EIF4E: variants seen among roughly 807,000 people sequenced by gnomAD.
The protein encoded by EIF4E is eIF-4F 25 kDa subunit.
For missense variants in EIF4E, 113 were observed against 265.6 expected, an observed-to-expected ratio of 0.43 and a Z score of 3.99; for synonymous variants, 71 against 88.5, an observed-to-expected ratio of 0.80 and a Z score of 1.11.
intron 1 of EIF4E, among the ~76,000 whole-genome samples, chr4:98,917,122 AC>A (rs1725418144): frequency 5.5e-5 from 3 of 54,338 alleles, no homozygotes; most frequent in South Asian, 4.0e-4. Flanking sequence ...ACACACACAC[AC>A]ACACACACAC....
At chr4:98,927,007 A>G (rs1416390892) in intron 1 of EIF4E, among the ~76,000 whole-genome samples, 2 of 152,220 alleles carry the variant, frequency 1.3e-5, no homozygotes, top group Admixed American at 6.5e-5. Flanking sequence ...CCTTGCCCCT[A>G]TTACCAGATG....
chr4:98,912,061 T>C (rs1359653267), intron 1 of EIF4E, among the ~76,000 whole-genome samples: 1 of 151,412 alleles, frequency 6.6e-6, no homozygotes, highest in Non-Finnish European at 1.5e-5. Flanking sequence ...AAGACCCACA[T>C]GACTAACATG....
intron 1 of EIF4E, among the ~76,000 whole-genome samples, chr4:98,912,253 GAAA>G (rs1033820669): frequency 7.8e-6 from 1 of 128,760 alleles, no homozygotes; most frequent in African/African-American, 2.9e-5. Context: ...ACTCCGTCTC[GAAA>G]AAAAAAAAGA....
At chr4:98,910,950 T>C (rs922739082) in intron 1 of EIF4E, among the ~76,000 whole-genome samples, 1 of 152,118 alleles carries the variant, frequency 6.6e-6, no homozygotes, top group Admixed American at 6.5e-5. Context: ...CAGCTGGTCT[T>C]GAACTCCTCC....
intron 3 of EIF4E, among the ~76,000 whole-genome samples, chr4:98,888,791 C>T (rs1307638617): frequency 6.6e-6 from 1 of 152,152 alleles, no homozygotes; most frequent in Non-Finnish European, 1.5e-5. Context: ...GCTGTGTCTA[C>T]AGACCATGGA....
rs968700652 is a variant in EIF4E, at chr4:98,885,016, C to T, written c.445G>A (p.Val149Ile). The change falls in exon 6 of 7, where the codon GTA becomes ATA. Residue 149 changes from valine (V) to isoleucine (I), a missense_variant. Transcript: ENST00000450253. ...CTAACATTAACAACAGCGCCACATA[C>T]ATCATCACTGTAGTCATCAAAAGAT... ...GESFDDYSDD[V>I]CGAVVNVRAK... 2 of 1,613,604 alleles carry T rather than the reference C, an allele frequency of 1.2e-6. No individual in the cohort carries two copies. The highest frequency in any genetic ancestry group is 1.7e-6 in the Non-Finnish European group (2 of 1,179,742).
chr4:98,898,915 C>T (rs926894308), intron 2 of EIF4E, among the ~76,000 whole-genome samples: 4 of 151,662 alleles, frequency 2.6e-5, no homozygotes, highest in African/African-American at 9.7e-5. Flanking sequence ...CATACATCCA[C>T]GCAAGTGACT....
At chr4:98,923,107 T>A (rs1725720975) in intron 1 of EIF4E, among the ~76,000 whole-genome samples, 1 of 150,968 alleles carries the variant, frequency 6.6e-6, no homozygotes, top group South Asian at 2.1e-4. Context: ...CACCTCAGCC[T>A]CCCAAAGTGT....
intron 1 of EIF4E, among the ~76,000 whole-genome samples, chr4:98,905,145 C>A (rs1724815675): frequency 1.3e-5 from 2 of 151,800 alleles, no homozygotes; most frequent in Admixed American, 1.3e-4. Flanking sequence ...CCTCTCTCTA[C>A]TCTCTTAGGC....
At chr4:98,923,799 T>C (rs924142831) in intron 1 of EIF4E, among the ~76,000 whole-genome samples, 5 of 152,248 alleles carry the variant, frequency 3.3e-5, no homozygotes, top group Admixed American at 1.3e-4. Context: ...AAATAGTATG[T>C]AAATGCATGG....
chr4:98,898,315 C>T (rs564290510), intron 2 of EIF4E, among the ~76,000 whole-genome samples: 6 of 152,228 alleles, frequency 3.9e-5, no homozygotes, highest in Middle Eastern at 3.4e-3. Flanking sequence ...ACTTCTAAGA[C>T]GGCAAAAATG....
chr4:98,883,021 C>A (rs1723763726), intron 6 of EIF4E, among the ~76,000 whole-genome samples: 1 of 152,128 alleles, frequency 6.6e-6, no homozygotes, highest in African/African-American at 2.4e-5. Context: ...AGCAATGGAT[C>A]ACGCCTGAAA....
intron 1 of EIF4E, among the ~76,000 whole-genome samples, chr4:98,910,707 T>C (rs1275500594): frequency 6.6e-6 from 1 of 151,538 alleles, no homozygotes; most frequent in East Asian, 1.9e-4. Context: ...GATCTTCAAA[T>C]AAACAGTTTT....
intron 1 of EIF4E, among the ~76,000 whole-genome samples, chr4:98,921,163 C>T (rs956822845): frequency 3.9e-5 from 6 of 152,030 alleles, no homozygotes; most frequent in East Asian, 1.9e-4. Flanking sequence ...ATATGAATTC[C>T]TCACCTATAA....
intron 1 of EIF4E, among the ~76,000 whole-genome samples, chr4:98,911,841 T>C (rs1437019051): frequency 6.6e-6 from 1 of 150,548 alleles, no homozygotes; most frequent in Non-Finnish European, 1.5e-5. Context: ...GGGGAGGTGA[T>C]AACACAGACA....
At chr4:98,894,219 T>C (rs755012073) in intron 2 of EIF4E, among the ~76,000 whole-genome samples, 2 of 152,188 alleles carry the variant, frequency 1.3e-5, no homozygotes. Context: ...ATTCTTAAGA[T>C]TTTGGGAATG....
chr4:98,909,468 G>A, intron 1 of EIF4E: 2 of 554,760 alleles, frequency 3.6e-6, no homozygotes, highest in South Asian at 5.4e-5. Context: ...ACACAGCAGT[G>A]GTCAAAAATA....
At chr4:98,909,571 T>C in intron 1 of EIF4E, 1 of 669,238 alleles carries the variant, frequency 1.5e-6, no homozygotes, top group Non-Finnish European at 2.7e-6. Context: ...CAGTACTAAA[T>C]GTTCTTTATA....
intron 5 of EIF4E, 140 bp from the exon 6 acceptor site, chr4:98,885,201 G>T: frequency 9.7e-7 from 1 of 1,035,478 alleles, no homozygotes; most frequent in Non-Finnish European, 1.4e-6. Context: ...AATTTTATTT[G>T]CATATATTGA....
Sources: gnomAD v4.1 joint callset for allele counts (sites outside exome capture counted in the v4.1 genomes callset) on GRCh38, gnomAD v4.1.1 for gene constraint, MANE v1.5 for transcripts, NCBI Gene and HGNC (gene_info 2026-07-23, HGNC 2026-07-21) for gene names.